ARFGEF1: variants seen among roughly 807,000 people sequenced by gnomAD.
The protein encoded by ARFGEF1 is ARF guanine nucleotide exchange factor 1.
In ARFGEF1, 42 loss-of-function variants were observed where a neutral mutation model predicts 231.0. The ratio of observed to expected loss-of-function variants is 0.18; its 90% CI spans 0.14 to 0.24. The LOEUF (loss-of-function observed/expected upper bound fraction) is 0.24, where lower values mean the gene tolerates loss of function less well. Among genes scored for constraint, ARFGEF1 ranks in the 10% least tolerant of loss-of-function variants. The pLI, the probability that ARFGEF1 is intolerant of heterozygous loss-of-function variation, is 1.00. For synonymous variants in ARFGEF1, 710 were observed against 732.3 expected (o/e 0.97, Z 0.49); for missense variants, 1,345 against 2,192.0 (o/e 0.61, Z 7.72).
chr8:67,270,885 G>T (rs1449073520), intron 10 of ARFGEF1, among the ~76,000 whole-genome samples: 2 of 151,296 alleles, frequency 1.3e-5, no homozygotes, highest in African/African-American at 2.4e-5. Context: ...TTAGCCAGGC[G>T]TGGTGGCACA....
At position 67,224,937 on chromosome 8, in the gene ARFGEF1, T is replaced by C. The variant is rs1299997718; in HGVS notation, c.4174A>G (p.Ile1392Val). The C allele has an allele frequency of 1.9e-6, 3 of 1,598,832 alleles. No homozygotes were observed. The highest frequency in any genetic ancestry group is 2.7e-5 in the African/African-American group (2 of 74,546). ...ACATCTAATTTGCATCTATTGATGA[T>C]ACAGGATAACTCAAAGAGAATTGGG... ...WFPILFELSC[I>V]INRCKLDVRT... is the part of the protein sequence containing the mutation. Residue 1392 changes from isoleucine to valine, a missense_variant, in exon 29 of 39, where the codon ATC (isoleucine) becomes GTC (valine). This residue lies in a region of ARFGEF1 where 142 missense variants were observed against 227.3 expected (regional missense o/e 0.62). Transcript: ENST00000262215.
intron 6 of ARFGEF1, among the ~76,000 whole-genome samples, chr8:67,290,100 A>G (rs1024852398): frequency 2.6e-5 from 4 of 152,210 alleles, no homozygotes; most frequent in African/African-American, 9.7e-5. Flanking sequence ...TGCACTCTGA[A>G]CCAATGGCTG....
At chr8:67,236,504 T>A (rs891695119) in intron 22 of ARFGEF1, among the ~76,000 whole-genome samples, 3 of 150,830 alleles carry the variant, frequency 2.0e-5, no homozygotes, top group African/African-American at 7.3e-5. Flanking sequence ...CCAGAAAGCA[T>A]CTGCTGTCTG....
At chr8:67,234,771 G>A (rs1456668629) in intron 22 of ARFGEF1, among the ~76,000 whole-genome samples, 1 of 152,018 alleles carries the variant, frequency 6.6e-6, no homozygotes, top group East Asian at 1.9e-4. Flanking sequence ...ATAATATCTG[G>A]AGAACATACT....
intron 17 of ARFGEF1, among the ~76,000 whole-genome samples, chr8:67,256,674 G>C (rs1387057268): frequency 6.6e-6 from 1 of 152,048 alleles, no homozygotes; most frequent in Non-Finnish European, 1.5e-5. Flanking sequence ...TTTTACCCAA[G>C]GATGTCAATG....
intron 19 of ARFGEF1, among the ~76,000 whole-genome samples, chr8:67,249,995 A>C (rs1014995838): frequency 3.3e-5 from 5 of 152,248 alleles, no homozygotes. Context: ...GACATACCTC[A>C]TATGAATGCC....
intron 19 of ARFGEF1, 81 bp downstream of exon 19, chr8:67,251,218 C>T (rs1055051178): frequency 6.9e-6 from 9 of 1,305,474 alleles, no homozygotes; most frequent in East Asian, 5.3e-5. Context: ...ATCACTGTAT[C>T]GCTTCCTTAA....
downstream of ARFGEF1, chr8:67,174,384 GCAGTGTAATTAGTGAGT>G (rs1381765600): frequency 3.9e-5 from 6 of 152,152 alleles, no homozygotes; most frequent in East Asian, 1.2e-3. Flanking sequence ...TTATATTCCA[GCAGTGTAATTAGTGAGT>G]CAAAGGGAAT....
At chr8:67,222,662 G>A (rs1053718594) in intron 29 of ARFGEF1, among the ~76,000 whole-genome samples, 12 of 152,050 alleles carry the variant, frequency 7.9e-5, no homozygotes, top group Admixed American at 2.6e-4. Flanking sequence ...CGTTGTCCAG[G>A]ATGGTCTTGA....
chr8:67,216,486 A>G (rs945586484), intron 33 of ARFGEF1, 104 bp downstream of exon 33: 38 of 1,032,686 alleles, frequency 3.7e-5, no homozygotes, highest in South Asian at 8.5e-5. Context: ...TATTTTTTTA[A>G]TAGCAGGAAT....
In ARFGEF1 at chr8:67,199,249, C is replaced by CAGA; in HGVS notation, c.5386-154_5386-152dup. 7.3e-6 allele frequency: 6 copies of CAGA among 816,734 alleles called. 1 individual carries two copies. The South Asian group carries it at 1.1e-4, about 16-fold the overall frequency. 50.6% of individuals were successfully genotyped at this position (816,734 alleles called of 1,614,324 possible). ...GACTCTGGTTTGTGGAACTGAGAGACAGAAGTGTTAGAAAAACTCACTTCA... is the reference window on the plus strand; with the variant it reads ...GACTCTGGTTTGTGGAACTGAGAGACAGAAGAAGTGTTAGAAAAACTCACTTCA... On this transcript the variant is annotated intron_variant, in intron 38 of 38. Transcript: ENST00000262215.
At chr8:67,218,908 A>G (rs1344912136) in intron 30 of ARFGEF1, among the ~76,000 whole-genome samples, 1 of 152,232 alleles carries the variant, frequency 6.6e-6, no homozygotes, top group South Asian at 2.1e-4. Flanking sequence ...AAAGTCAGAA[A>G]AACACTGAAA....
intron 9 of ARFGEF1, among the ~76,000 whole-genome samples, chr8:67,273,668 G>A (rs1201921229): frequency 6.6e-6 from 1 of 152,014 alleles, no homozygotes; most frequent in Admixed American, 6.6e-5. Context: ...TTATTACACA[G>A]TCATGTTTCT....
intron 1 of ARFGEF1, among the ~76,000 whole-genome samples, chr8:67,302,905 TTAAAAAAAAAAAAA>T (rs1806561436): frequency 1.0e-5 from 1 of 100,234 alleles, no homozygotes; most frequent in African/African-American, 3.9e-5. Context: ...ACCCCATCTC[TTAAAAAAAAAAAAA>T]AAAAAAAAAA....
At chr8:67,244,469 T>C (rs1166000744) in intron 19 of ARFGEF1, among the ~76,000 whole-genome samples, 1 of 148,770 alleles carries the variant, frequency 6.7e-6, no homozygotes, top group Non-Finnish European at 1.5e-5. Flanking sequence ...CCACTATACC[T>C]GGCTAATTTT....
In ARFGEF1 at chr8:67,267,112, T is replaced by C; in HGVS notation, c.1791A>G (p.Glu597=). Residue 597 remains glutamate (E), a synonymous_variant, in exon 12 of 39, where the codon GAA becomes GAG. Coordinates refer to ENST00000262215, the MANE Select transcript of ARFGEF1 (RefSeq NM_006421.5). ...TTACCTGAACATTACTCATACCAAG[T>C]TCTTGACTGCCCCTTCCTTGAGCAA... ...SKIAQGRGSQ[E]LGMSNVQELS... 3 of 1,613,174 alleles carry C rather than the reference T, an allele frequency of 1.9e-6. No individual in the cohort carries two copies. Among genetic ancestry groups the C allele is most frequent in the Non-Finnish European group, 2.5e-6 (3 of 1,179,704 alleles).
chr8:67,303,734 T>TA (rs920950650), intron 1 of ARFGEF1, among the ~76,000 whole-genome samples: 127 of 150,862 alleles, frequency 8.4e-4, no homozygotes, highest in Middle Eastern at 6.8e-3. Context: ...AAAAAAATAA[T>TA]AATTAATTAA....
Position 67,343,608 on chromosome 8 carries a change from G to A in ARFGEF1, c.-321C>T. 1 of 1,049,010 alleles carries A rather than the reference G, an allele frequency of 9.5e-7. No individual in the cohort carries two copies. The highest frequency in any genetic ancestry group is 1.1e-6 in the Non-Finnish European group (1 of 871,510). The allele number at this position is 1,049,010 out of a possible 1,614,324, so 65.0% of individuals were successfully genotyped here. The stretch of plus-strand genomic sequence containing the variant: ...TCCCTCCGGCCCTGGTGGCGGTGAG[G>A]GAGCCCGGCCCGGGCGGCTGTCTGC... On this transcript the variant is annotated 5_prime_UTR_variant, in exon 1 of 39. Coordinates refer to ENST00000262215, the MANE Select transcript of ARFGEF1 (RefSeq NM_006421.5).
intron 5 of ARFGEF1, among the ~76,000 whole-genome samples, chr8:67,179,030 C>G (rs564563416): frequency 2.8e-4 from 43 of 152,166 alleles, no homozygotes; most frequent in Non-Finnish European, 4.9e-4. Context: ...TGCAGTGCAT[C>G]ATTGTAATTC....
Sources: allele counts gnomAD v4.1 joint callset (sites outside exome capture counted in the v4.1 genomes callset), GRCh38; gene constraint gnomAD v4.1.1; regional missense constraint gnomAD v4.1.1; transcripts MANE v1.5; gene names NCBI Gene and HGNC (gene_info 2026-07-23, HGNC 2026-07-21).